The following TBX15 variants were observed in gnomAD, a reference collection of about 807,000 sequenced individuals.
The protein encoded by TBX15 is T-box transcription factor 15, also known as T-box transcription factor TBX15.
Under a neutral mutation model 53.9 loss-of-function variants are expected in TBX15, and 18 were observed. The observed-to-expected ratio is 0.33, with a 90% CI of 0.23 to 0.49. The LOEUF (loss-of-function observed/expected upper bound fraction) is 0.49, where lower values mean the gene tolerates loss of function less well. Ranked by LOEUF, TBX15 falls within the 20% of genes least tolerant of loss-of-function variation. The pLI, the probability that TBX15 is intolerant of heterozygous loss-of-function variation, is 0.98. For synonymous variants in TBX15, 295 were observed against 278.0 expected (o/e 1.06, Z -0.61); for missense variants, 692 against 749.5 (o/e 0.92, Z 0.90).
At chr1:118,976,477 G>T (rs1231502302) in intron 1 of TBX15, among the ~76,000 whole-genome samples, 1 of 152,080 alleles carries the variant, frequency 6.6e-6, no homozygotes, top group African/African-American at 2.4e-5. Context: ...TGGTTTTTTG[G>T]GGATTTCTGA....
intron 1 of TBX15, among the ~76,000 whole-genome samples, chr1:118,967,044 G>A (rs1367159864): frequency 6.6e-6 from 1 of 152,148 alleles, no homozygotes; most frequent in Non-Finnish European, 1.5e-5. Flanking sequence ...GCAAGCCAGG[G>A]ATGGTGTGAA....
At chr1:118,932,251 AAAG>A (rs1346193331) in intron 1 of TBX15, among the ~76,000 whole-genome samples, 2 of 152,226 alleles carry the variant, frequency 1.3e-5, no homozygotes, top group Admixed American at 6.5e-5. Context: ...TTGTGCAAGT[AAAG>A]ATTCAGTGCA....
intron 1 of TBX15, among the ~76,000 whole-genome samples, chr1:118,945,007 A>G (rs1656303910): frequency 6.6e-6 from 1 of 152,166 alleles, no homozygotes; most frequent in South Asian, 2.1e-4. Context: ...ATCTCCATCA[A>G]TGCTATTACA....
At chr1:118,923,696 A>T in intron 4 of TBX15, 93 bp from the exon 5 acceptor site, 1 of 1,470,824 alleles carries the variant, frequency 6.8e-7, no homozygotes, top group Non-Finnish European at 9.5e-7. Context: ...GAAGCACTAT[A>T]GGAAAAGCAC....
intron 1 of TBX15, among the ~76,000 whole-genome samples, chr1:118,982,201 G>T (rs773689395): frequency 6.6e-6 from 1 of 152,072 alleles, no homozygotes; most frequent in Non-Finnish European, 1.5e-5. Flanking sequence ...TGTACAGTTC[G>T]GCCTTGCTTT....
intron 1 of TBX15, among the ~76,000 whole-genome samples, chr1:118,979,862 G>A (rs1657588314): frequency 6.6e-6 from 1 of 152,186 alleles, no homozygotes. Context: ...GGTGGGGCCA[G>A]CGCGGAGCCC....
Position 118,961,663 on chromosome 1 carries a change from T to C in TBX15, c.205+25928A>G, listed in dbSNP as rs1656877661. 2.0e-5 allele frequency among the ~76,000 whole-genome samples: 3 copies of C among 152,194 alleles called. No homozygotes were observed. In the South Asian group the frequency reaches 6.2e-4, roughly 32 times the overall value. On this transcript the variant is annotated intron_variant, in intron 1 of 7. Transcript: ENST00000369429. Reference sequence around the variant, plus strand: ...GGCCTAGGGAAGAAAAGTGATTTGCTCAAAATTTCCTATCTAGTACTAGCA... The same window carrying C: ...GGCCTAGGGAAGAAAAGTGATTTGCCCAAAATTTCCTATCTAGTACTAGCA...
intron 1 of TBX15, among the ~76,000 whole-genome samples, chr1:118,942,001 A>G (rs372258879): frequency 1.1e-4 from 17 of 152,238 alleles, no homozygotes; most frequent in East Asian, 7.7e-4. Flanking sequence ...ATTTGCATTA[A>G]TACTTCATCA....
At chr1:118,948,975 A>C (rs1656429222) in intron 1 of TBX15, among the ~76,000 whole-genome samples, 1 of 152,226 alleles carries the variant, frequency 6.6e-6, no homozygotes, top group African/African-American at 2.4e-5. Context: ...ATTATGAGTC[A>C]GTGTGGACCA....
intron 1 of TBX15, among the ~76,000 whole-genome samples, chr1:118,959,233 A>G (rs750437502): frequency 9.2e-5 from 14 of 152,186 alleles, no homozygotes; most frequent in Non-Finnish European, 1.9e-4. Context: ...AATCCTCCCA[A>G]CTATGAATGC....
At chr1:118,928,892 C>T (rs1452838561) in intron 2 of TBX15, among the ~76,000 whole-genome samples, 1 of 152,126 alleles carries the variant, frequency 6.6e-6, no homozygotes, top group African/African-American at 2.4e-5. Context: ...CAAAGGAAAT[C>T]GACTAGATAA....
chr1:118,983,150 T>A (rs966805617), intron 1 of TBX15, among the ~76,000 whole-genome samples: 32 of 152,182 alleles, frequency 2.1e-4, no homozygotes, highest in African/African-American at 7.7e-4. Context: ...CTATCATTAC[T>A]GGCTTCTGAA....
At chr1:118,961,788 G>A (rs1482105562) in intron 1 of TBX15, among the ~76,000 whole-genome samples, 1 of 152,132 alleles carries the variant, frequency 6.6e-6, no homozygotes, top group Middle Eastern at 3.2e-3. Context: ...GGGACTCTCT[G>A]GTGAGCTCTG....
At chr1:118,980,131 G>C (rs1317882138) in intron 1 of TBX15, among the ~76,000 whole-genome samples, 1 of 152,238 alleles carries the variant, frequency 6.6e-6, no homozygotes, top group Non-Finnish European at 1.5e-5. Context: ...GAAATTCTTG[G>C]AGAGGGGGAA....
chr1:118,977,802 C>T (rs1445192499), intron 1 of TBX15, among the ~76,000 whole-genome samples: 1 of 152,240 alleles, frequency 6.6e-6, no homozygotes, highest in Non-Finnish European at 1.5e-5. Context: ...TTGCCTGTTA[C>T]TAAGTCATCC....
chr1:118,922,622 A>G (rs1655459750), intron 5 of TBX15, among the ~76,000 whole-genome samples: 1 of 152,212 alleles, frequency 6.6e-6, no homozygotes, highest in South Asian at 2.1e-4. Flanking sequence ...GATCTTAACC[A>G]TGGTATCCTG....
chr1:118,948,858 T>C (rs575858974), intron 1 of TBX15, among the ~76,000 whole-genome samples: 1 of 152,320 alleles, frequency 6.6e-6, no homozygotes, highest in East Asian at 1.9e-4. Context: ...AAATTAGAGA[T>C]AAATATTCTG....
intron 1 of TBX15, among the ~76,000 whole-genome samples, chr1:118,959,392 T>A (rs10923708): frequency 0.19 from 29,303 of 152,182 alleles, 3,351 homozygotes; most frequent in East Asian, 0.5. Context: ...CTTCTGCAGC[T>A]GAACATGAAA....
intron 1 of TBX15, among the ~76,000 whole-genome samples, chr1:118,958,645 A>C (rs1248767836): frequency 6.6e-6 from 1 of 152,046 alleles, no homozygotes; most frequent in Non-Finnish European, 1.5e-5. Context: ...CATTCCCACC[A>C]CAATATCCTT....
Sources: gnomAD v4.1 joint callset for allele counts (sites outside exome capture counted in the v4.1 genomes callset) on GRCh38, gnomAD v4.1.1 for gene constraint, MANE v1.5 for transcripts, NCBI Gene and HGNC (gene_info 2026-07-23, HGNC 2026-07-21) for gene names.